Variants in TMPRSS9 observed in about 807,000 individuals in gnomAD.
TMPRSS9 encodes the protein transmembrane serine protease 9.
Under a neutral mutation model 111.4 loss-of-function variants are expected in TMPRSS9, and 113 were observed. The observed-to-expected ratio is 1.01, with a 90% CI of 0.87 to 1.19. The LOEUF is 1.19. TMPRSS9 is among the 50% of genes most tolerant of loss of function. The probability of loss-of-function intolerance (pLI) is 0.00; values close to 1 mark genes in which losing one functional copy is unlikely to be tolerated. For missense variants in TMPRSS9, 1,803 were observed against 1,513.1 expected (o/e 1.19, Z -3.18); for synonymous variants, 805 against 659.1 (o/e 1.22, Z -3.39).
exon 7 of TMPRSS9, chr19:2,405,436 C>T (rs1970948079): frequency 6.2e-7 from 1 of 1,607,812 alleles, no homozygotes; most frequent in Non-Finnish European, 8.5e-7. Context: ...GGAAGCATCC[C>T]CGGGGGAGTT....
At chr19:2,410,751 T>C (rs184012889) in intron 9 of TMPRSS9, among the ~76,000 whole-genome samples, 2 of 152,060 alleles carry the variant, frequency 1.3e-5, no homozygotes, top group Admixed American at 6.6e-5. Context: ...TCCCTGGCTA[T>C]GATGGGGTCC....
At chr19:2,421,912 G>A (rs952597617) in exon 14 of TMPRSS9, 65 of 1,612,886 alleles carry the variant, frequency 4.0e-5, no homozygotes, top group Non-Finnish European at 5.3e-5. Context: ...TATCTGGCAG[G>A]GATCGTGAGC....
At chr19:2,360,968 T>G (rs1039471768) in intron 1 of TMPRSS9, among the ~76,000 whole-genome samples, 2 of 146,776 alleles carry the variant, frequency 1.4e-5, no homozygotes, top group African/African-American at 5.1e-5. Flanking sequence ...AGATTCGGCC[T>G]AGTTCCTGGA....
intron 7 of TMPRSS9, among the ~76,000 whole-genome samples, chr19:2,406,688 C>T (rs1970976849): frequency 6.6e-6 from 1 of 150,800 alleles, no homozygotes; most frequent in Admixed American, 6.6e-5. Flanking sequence ...GTAGCATCTC[C>T]CTGTGGTTTT....
At chr19:2,380,068 A>G (rs1474288589) in intron 1 of TMPRSS9, among the ~76,000 whole-genome samples, 1 of 151,942 alleles carries the variant, frequency 6.6e-6, no homozygotes, top group Admixed American at 6.6e-5. Flanking sequence ...AATTAACTTT[A>G]GTTTTAATAG....
chr19:2,418,227 T>G, intron 13 of TMPRSS9, 89 bp downstream of exon 14: 1 of 1,506,274 alleles, frequency 6.6e-7, no homozygotes, highest in Non-Finnish European at 9.1e-7. Context: ...AGACCTAGAT[T>G]TTTTTCCTTT....
intron 1 of TMPRSS9, among the ~76,000 whole-genome samples, chr19:2,371,229 A>G (rs1371796302): frequency 6.6e-6 from 1 of 152,080 alleles, no homozygotes; most frequent in East Asian, 1.9e-4. Flanking sequence ...AGACATTGCT[A>G]TTGCCTCGTT....
rs112073170 is a variant in TMPRSS9 at position 2,418,277 on chromosome 19, CT to C, written c.2154+143del. ...CTCCTTCCCTCCTTGTCCTTCCCTC[CT>C]TTTCCTTTCCTCCTTTCCTTCCCTC... On this transcript the variant is annotated intron_variant, in intron 13 of 17. Transcript: ENST00000648592. The C allele has an allele frequency of 9.1e-5, 85 of 938,750 alleles. No homozygotes were observed. In the African/African-American group the frequency reaches 1.5e-3, roughly 16 times the overall value. The allele number at this position is 938,750 out of a possible 1,614,324, so 58.2% of individuals were successfully genotyped here. A position where few individuals can be genotyped will look rare whatever the true frequency, so the allele number is the denominator to read the frequency against.
chr19:2,422,355 G>A (rs1016155717), intron 14 of TMPRSS9, 108 bp downstream of exon 15: 19 of 1,309,812 alleles, frequency 1.5e-5, no homozygotes, highest in African/African-American at 4.5e-5. Context: ...CGAGGCGGGC[G>A]GATCAAGAGG....
chr19:2,375,279 A>G (rs990654668), intron 1 of TMPRSS9, among the ~76,000 whole-genome samples: 1 of 152,232 alleles, frequency 6.6e-6, no homozygotes, highest in Non-Finnish European at 1.5e-5. Context: ...ACAGTTTTAT[A>G]AAGTTGAAAC....
intron 1 of TMPRSS9, among the ~76,000 whole-genome samples, chr19:2,360,707 G>A (rs2069721323): frequency 6.8e-6 from 1 of 147,972 alleles, no homozygotes; most frequent in African/African-American, 2.7e-5. Context: ...GTGGTGTGTA[G>A]ATGCGGCGGG....
chr19:2,367,600 G>A (rs568037005), intron 1 of TMPRSS9, among the ~76,000 whole-genome samples: 22 of 139,022 alleles, frequency 1.6e-4, no homozygotes, highest in Admixed American at 1.0e-3. Flanking sequence ...GTCTTGCTCC[G>A]TCGCCCAGGC....
chr19:2,386,532 A>G (rs1970482063), upstream of TMPRSS9, among the ~76,000 whole-genome samples: 1 of 151,596 alleles, frequency 6.6e-6, no homozygotes, highest in South Asian at 2.1e-4. Context: ...AAAAACAAAG[A>G]TAGGATTACA....
chr19:2,376,156 C>T (rs1970332247), intron 1 of TMPRSS9, among the ~76,000 whole-genome samples: 1 of 152,102 alleles, frequency 6.6e-6, no homozygotes, highest in African/African-American at 2.4e-5. Flanking sequence ...CCGCCTTTCC[C>T]AGCGTCTAGA....
intron 1 of TMPRSS9, among the ~76,000 whole-genome samples, chr19:2,383,449 C>T (rs1970410537): frequency 1.3e-5 from 2 of 151,416 alleles, no homozygotes; most frequent in Non-Finnish European, 2.9e-5. Context: ...GCCAGTAGTT[C>T]CAGACCAGCC....
At chr19:2,425,267 G>A (rs757704990) in exon 16 of TMPRSS9, 8 of 1,302,384 alleles carry the variant, frequency 6.1e-6, no homozygotes, top group South Asian at 5.4e-5. Flanking sequence ...GCGCGAAGGA[G>A]GTAGGCGCGC....
rs556079466 is a variant in TMPRSS9, at chr19:2,396,690, G to A, written c.270+24G>A. On this transcript the variant is annotated intron_variant, in intron 2 of 17. Transcript: ENST00000648592. ...TGGTGAGGGTGGTCTGTGTTTGGGG[G>A]CCAGGGAGGAAGAGCGGGTGGCCGG... The A allele has an allele frequency of 4.0e-5, 63 of 1,590,506 alleles. No individual in the cohort carries two copies. The South Asian group carries it at 6.4e-4, about 16-fold the overall frequency.
At chr19:2,424,133 A>G (rs1175362893) in exon 15 of TMPRSS9, 2 of 1,405,900 alleles carry the variant, frequency 1.4e-6, no homozygotes, top group African/African-American at 3.0e-5. Flanking sequence ...TGTGGGCGGC[A>G]GCGCAGCGGG....
At chr19:2,396,987 C>T (rs1274373772) in intron 2 of TMPRSS9, among the ~76,000 whole-genome samples, 1 of 151,268 alleles carries the variant, frequency 6.6e-6, no homozygotes, top group Non-Finnish European at 1.5e-5. Context: ...GTGGAATGAT[C>T]TCGGCTCACT....
Sources: gnomAD v4.1 joint callset for allele counts (sites outside exome capture counted in the v4.1 genomes callset) on GRCh38, gnomAD v4.1.1 for gene constraint, MANE v1.5 for transcripts, NCBI Gene and HGNC (gene_info 2026-07-23, HGNC 2026-07-21) for gene names.